The following CHRNA7 variants were observed in gnomAD, a reference collection of about 807,000 sequenced individuals.
CHRNA7 encodes the protein cholinergic receptor nicotinic alpha 7 subunit, also known as neuronal acetylcholine receptor subunit alpha-7.
In CHRNA7, 17 loss-of-function variants were observed where a neutral mutation model predicts 48.0. The ratio of observed to expected loss-of-function variants is 0.35; its 90% confidence interval spans 0.24 to 0.53. CHRNA7 has a LOEUF of 0.53. Among genes scored for constraint, CHRNA7 ranks in the 20% least tolerant of loss-of-function variants. The pLI is 0.92. For synonymous variants in CHRNA7, 75 were observed against 242.3 expected (o/e 0.31, Z 6.41); for missense variants, 155 against 577.7 (o/e 0.27, Z 7.50).
chr15:32,137,046 AG>A lies in CHRNA7; in HGVS notation c.351-16860del, dbSNP rs1319662899. Among the ~76,000 whole-genome samples the A allele has an allele frequency of 2.3e-4, 34 of 147,278 alleles. 2 individuals are homozygous for A. Among genetic ancestry groups the A allele is most frequent in the Middle Eastern group, 3.3e-3 (1 of 304 alleles). On this transcript the variant is annotated intron_variant, in intron 4 of 9. Coordinates refer to ENST00000306901, the MANE Select transcript of CHRNA7 (RefSeq NM_000746.6). ...GACTCCGTCTCAAAAAAAAAAAAAA[AG>A]AAAAAAAAAAGAAAACAGGAGAAAC...
rs188558923 is a variant in CHRNA7 at position 32,145,658 on chromosome 15, C to T, written c.351-8249C>T. On this transcript the variant is annotated intron_variant, in intron 4 of 9. Coordinates refer to ENST00000306901, the MANE Select transcript of CHRNA7 (RefSeq NM_000746.6). ...ACCCCTCCCCACCACCAGGCTGTAG[C>T]CTCACAGATCGATCACAGACTGCTG... 4.6e-3 allele frequency among the ~76,000 whole-genome samples: 706 copies of T among 152,306 alleles called. 10 individuals are homozygous for T. The highest frequency in any genetic ancestry group is 5.2e-3 in the Non-Finnish European group (353 of 68,016).
At chr15:32,118,179 T>G (rs1030369637) in intron 4 of CHRNA7, among the ~76,000 whole-genome samples, 7 of 152,260 alleles carry the variant, frequency 4.6e-5, no homozygotes, top group African/African-American at 1.7e-4. Flanking sequence ...CCCCTCCCCA[T>G]GCGATGCCTG....
chr15:32,142,950 C>T (rs1015974263), intron 4 of CHRNA7, among the ~76,000 whole-genome samples: 1 of 152,158 alleles, frequency 6.6e-6, no homozygotes, highest in African/African-American at 2.4e-5. Context: ...TTATTTCTTT[C>T]CTTCAGCTAG....
intron 4 of CHRNA7, among the ~76,000 whole-genome samples, chr15:32,140,426 G>T (rs946391909): frequency 6.6e-6 from 1 of 152,048 alleles, no homozygotes; most frequent in Non-Finnish European, 1.5e-5. Context: ...TAATCCTTTG[G>T]GTATATACCC....
At chr15:32,145,215 G>A (rs939229432) in intron 4 of CHRNA7, among the ~76,000 whole-genome samples, 2 of 152,198 alleles carry the variant, frequency 1.3e-5, no homozygotes, top group African/African-American at 4.8e-5. Flanking sequence ...GTCCACTCCA[G>A]ACCCTGTTTG....
At chr15:32,098,440 A>C (rs1302835589) in intron 2 of CHRNA7, among the ~76,000 whole-genome samples, 2 of 150,928 alleles carry the variant, frequency 1.3e-5, no homozygotes, top group African/African-American at 2.4e-5. Flanking sequence ...AGAGTCCCAC[A>C]GAACCTCTTT....
At position 32,149,570 on chromosome 15, in the gene CHRNA7, A is replaced by G. The variant is rs201160971; in HGVS notation, c.351-4337A>G. ...AGTATTAGCACAAATCCATTACAAG[A>G]GTTTACTTTTATACTATGTACTTAT... On this transcript the variant is annotated intron_variant, in intron 4 of 9. Coordinates refer to ENST00000306901, the MANE Select transcript of CHRNA7 (RefSeq NM_000746.6). This position sits in a 1 kb window ranked among gnomAD's most constrained non-coding sequence, Gnocchi z 4.6. Among the ~76,000 whole-genome samples, 1 of 152,214 alleles carries G rather than the reference A, an allele frequency of 6.6e-6. No individual in the cohort carries two copies. The highest frequency in any genetic ancestry group is 1.9e-4 in the East Asian group (1 of 5,198).
intron 2 of CHRNA7, among the ~76,000 whole-genome samples, chr15:32,087,253 G>GT (rs1280263238): frequency 3.3e-5 from 5 of 152,120 alleles, no homozygotes; most frequent in South Asian, 2.1e-4. Context: ...ATTGTTTACT[G>GT]TTTTTTACCA....
intron 4 of CHRNA7, chr15:32,112,279 C>G (rs2050774971): frequency 6.5e-6 from 3 of 462,706 alleles, no homozygotes; most frequent in Non-Finnish European, 1.3e-5. Flanking sequence ...ATGGGATGCA[C>G]TGCTGGAGCC....
intron 2 of CHRNA7, among the ~76,000 whole-genome samples, chr15:32,054,815 C>T (rs2049756731): frequency 6.6e-6 from 1 of 152,114 alleles, no homozygotes; most frequent in South Asian, 2.1e-4. Context: ...TAGATTTCTT[C>T]TAGATTTTGT....
chr15:32,117,697 G>A lies in CHRNA7; in HGVS notation c.350+5798G>A, dbSNP rs554699708. Among the ~76,000 whole-genome samples, 20 of 152,244 alleles carry A rather than the reference G, an allele frequency of 1.3e-4. No individual in the cohort carries two copies. The South Asian group carries it at 3.3e-3, about 25-fold the overall frequency. On this transcript the variant is annotated intron_variant, in intron 4 of 9. Transcript: ENST00000306901. Reference sequence around the variant, plus strand: ...TCCCAGCAAGGGGTGCCTATTCTACGTGGGCTGCGATGTATCTATTATGGA... The same window carrying A: ...TCCCAGCAAGGGGTGCCTATTCTACATGGGCTGCGATGTATCTATTATGGA...
chr15:32,088,890 T>A (rs1050220358), intron 2 of CHRNA7, among the ~76,000 whole-genome samples: 1 of 152,224 alleles, frequency 6.6e-6, no homozygotes, highest in Non-Finnish European at 1.5e-5. Context: ...CTTGTAACAG[T>A]ATCTTCCATA....
chr15:32,144,904 G>A (rs999908391), intron 4 of CHRNA7, among the ~76,000 whole-genome samples: 1 of 152,258 alleles, frequency 6.6e-6, no homozygotes, highest in East Asian at 1.9e-4. Flanking sequence ...CCGACCTTCT[G>A]AAACCTACTT....
chr15:32,043,521 C>T (rs913248626), intron 2 of CHRNA7, among the ~76,000 whole-genome samples: 3 of 151,632 alleles, frequency 2.0e-5, no homozygotes, highest in Non-Finnish European at 4.4e-5. Context: ...AGTCATATTT[C>T]TTTCTTTTTG....
intron 2 of CHRNA7, among the ~76,000 whole-genome samples, chr15:32,098,071 C>T (rs2050502053): frequency 6.6e-6 from 1 of 152,230 alleles, no homozygotes; most frequent in African/African-American, 2.4e-5. Flanking sequence ...ATAATTCCAT[C>T]TGGGGACTTT....
chr15:32,090,485 A>T (rs924201447), intron 2 of CHRNA7, among the ~76,000 whole-genome samples: 21 of 152,108 alleles, frequency 1.4e-4, no homozygotes, highest in Non-Finnish European at 1.2e-4. Flanking sequence ...GATTCACTGA[A>T]ATTACCATTT....
At chr15:32,045,277 T>C (rs2049520751) in intron 2 of CHRNA7, among the ~76,000 whole-genome samples, 1 of 152,152 alleles carries the variant, frequency 6.6e-6, no homozygotes, top group Non-Finnish European at 1.5e-5. Context: ...CCTGGTTGTG[T>C]TTGTAGTTTG....
At chr15:32,035,221 G>T (rs1315162389) in intron 2 of CHRNA7, among the ~76,000 whole-genome samples, 1 of 152,180 alleles carries the variant, frequency 6.6e-6, no homozygotes, top group South Asian at 2.1e-4. Context: ...TGATGCATGT[G>T]TGAGGTTCTA....
chr15:32,114,045 T>C (rs376907734), intron 4 of CHRNA7, among the ~76,000 whole-genome samples: 6 of 35,348 alleles, frequency 1.7e-4, no homozygotes, highest in Non-Finnish European at 2.6e-4. Flanking sequence ...TATATATATG[T>C]ATATATATAT....
Sources: gnomAD v4.1 joint callset for allele counts (sites outside exome capture counted in the v4.1 genomes callset) on GRCh38, gnomAD v4.1.1 for gene constraint, Gnocchi (gnomAD v3.1) non-coding constraint, MANE v1.5 for transcripts, NCBI Gene and HGNC (gene_info 2026-07-23, HGNC 2026-07-21) for gene names.